SNTG1: variants seen among roughly 807,000 people sequenced by gnomAD.
SNTG1 encodes syntrophin gamma 1.
SNTG1 carries 39 observed loss-of-function variants against 74.7 expected under a neutral mutation model. That is an observed-to-expected ratio of 0.52 (90% CI 0.40 to 0.68). The LOEUF is 0.68. Ranked by LOEUF, SNTG1 falls within the 30% of genes least tolerant of loss-of-function variation. The pLI, the probability that SNTG1 is intolerant of heterozygous loss-of-function variation, is 0.00. For missense variants in SNTG1, 685 were observed against 609.5 expected (o/e 1.12, Z -1.30); for synonymous variants, 254 against 217.1 (o/e 1.17, Z -1.49).
chr8:50,298,741 G>C (rs2089505473), intron 2 of SNTG1, among the ~76,000 whole-genome samples: 1 of 152,172 alleles, frequency 6.6e-6, no homozygotes, highest in Admixed American at 6.6e-5. Context: ...TATGTGAAGA[G>C]TGAAATGTTT....
chr8:50,752,467 T>C (rs1020470117), intron 18 of SNTG1, among the ~76,000 whole-genome samples: 5 of 151,958 alleles, frequency 3.3e-5, no homozygotes, highest in Non-Finnish European at 7.4e-5. Flanking sequence ...TATATTTACA[T>C]AAATTTATAT....
At chr8:50,331,997 C>T (rs181732823) in intron 2 of SNTG1, among the ~76,000 whole-genome samples, 1 of 152,230 alleles carries the variant, frequency 6.6e-6, no homozygotes, top group Non-Finnish European at 1.5e-5. Context: ...ATAGTATCAG[C>T]AAATGGAATC....
At chr8:50,639,441 G>GA (rs927292477) in intron 13 of SNTG1, among the ~76,000 whole-genome samples, 35 of 151,830 alleles carry the variant, frequency 2.3e-4, no homozygotes, top group African/African-American at 8.0e-4. Flanking sequence ...TTGTTTAGGA[G>GA]AAAAAATGTA....
At chr8:50,318,739 A>G (rs2090411330) in intron 2 of SNTG1, among the ~76,000 whole-genome samples, 1 of 152,172 alleles carries the variant, frequency 6.6e-6, no homozygotes. Context: ...ATCAGTTCTA[A>G]AGTGTTGAAA....
intron 2 of SNTG1, among the ~76,000 whole-genome samples, chr8:50,336,013 C>T (rs566066680): frequency 6.4e-4 from 98 of 151,988 alleles, no homozygotes; most frequent in Non-Finnish European, 1.6e-4. Context: ...CTGTGTCTTC[C>T]GAATCCACCA....
At chr8:50,448,852 G>T (rs915074460) in intron 5 of SNTG1, among the ~76,000 whole-genome samples, 1 of 151,350 alleles carries the variant, frequency 6.6e-6, no homozygotes, top group Admixed American at 6.6e-5. Flanking sequence ...GGCTAACATG[G>T]TGAAACCCCG....
In SNTG1 at chr8:50,418,037, A is replaced by G. The variant is rs143699859; in HGVS notation, c.162+15693A>G. On this transcript the variant is annotated intron_variant, in intron 4 of 18. Coordinates refer to ENST00000642720, the MANE Select transcript of SNTG1 (RefSeq NM_018967.5). ...TCATTCTGATCATTCCAACCAAGCA[A>G]CTATAATTTCCCCTTCTTCAAAAGC... Among the ~76,000 whole-genome samples, 200 of 152,104 alleles carry G rather than the reference A, an allele frequency of 1.3e-3. 2 individuals carry two copies. Among genetic ancestry groups the G allele is most frequent in the African/African-American group, 3.8e-3 (156 of 41,516 alleles).
At chr8:50,391,922 A>G (rs1171824141) in intron 2 of SNTG1, among the ~76,000 whole-genome samples, 1 of 152,186 alleles carries the variant, frequency 6.6e-6, no homozygotes, top group African/African-American at 2.4e-5. Context: ...AATATCTTAC[A>G]AATTCCTTAC....
At chr8:49,916,902 G>A (rs995257098) in intron 1 of SNTG1, among the ~76,000 whole-genome samples, 2 of 151,926 alleles carry the variant, frequency 1.3e-5, no homozygotes, top group African/African-American at 2.4e-5. Context: ...GAATGTGCCT[G>A]TAGTCTCAGC....
At chr8:50,711,525 T>A (rs772013014) in intron 17 of SNTG1, among the ~76,000 whole-genome samples, 1 of 152,160 alleles carries the variant, frequency 6.6e-6, no homozygotes, top group Non-Finnish European at 1.5e-5. Context: ...TCTTAATACA[T>A]CAGTGAAGGA....
chr8:50,446,832 G>T (rs1391778905), intron 5 of SNTG1, among the ~76,000 whole-genome samples: 2 of 152,106 alleles, frequency 1.3e-5, no homozygotes, highest in African/African-American at 4.8e-5. Flanking sequence ...ACTTAACCTT[G>T]GGAGATGCAT....
chr8:50,672,630 G>A (rs1325674228), intron 15 of SNTG1, among the ~76,000 whole-genome samples: 1 of 152,042 alleles, frequency 6.6e-6, no homozygotes. Context: ...CTCCAATTCT[G>A]TAGGTGGCCT....
intron 4 of SNTG1, among the ~76,000 whole-genome samples, chr8:50,428,509 G>A (rs1039766585): frequency 9.2e-5 from 14 of 152,100 alleles, no homozygotes; most frequent in Admixed American, 6.5e-4. Flanking sequence ...TCAATTCTTT[G>A]CAAAGCTAAC....
chr8:50,733,820 A>G (rs188799616), intron 17 of SNTG1, among the ~76,000 whole-genome samples: 2 of 151,566 alleles, frequency 1.3e-5, no homozygotes, highest in East Asian at 1.9e-4. Context: ...CTTACATTTT[A>G]TCGTATTTTA....
chr8:50,544,221 C>T (rs2623214), intron 11 of SNTG1, among the ~76,000 whole-genome samples: 54,577 of 151,770 alleles, frequency 0.36, 12,075 homozygotes, highest in African/African-American at 0.63. Context: ...TAGAGCCATA[C>T]ATGTATAACT....
intron 1 of SNTG1, among the ~76,000 whole-genome samples, chr8:50,004,921 T>G (rs1815072852): frequency 1.3e-5 from 2 of 152,176 alleles, no homozygotes; most frequent in Admixed American, 1.3e-4. Flanking sequence ...TTTGTAAGAT[T>G]ATTGCACTGC....
intron 2 of SNTG1, among the ~76,000 whole-genome samples, chr8:50,239,353 T>G (rs2086065303): frequency 6.6e-6 from 1 of 152,198 alleles, no homozygotes; most frequent in Non-Finnish European, 1.5e-5. Flanking sequence ...CTCACAGTTC[T>G]GCATGGCTGG....
chr8:50,531,955 A>G (rs2094271983), intron 10 of SNTG1, among the ~76,000 whole-genome samples: 1 of 152,218 alleles, frequency 6.6e-6, no homozygotes, highest in Admixed American at 6.5e-5. Context: ...ATTGACATAT[A>G]GAAAAACATA....
chr8:50,788,523 C>T (rs1382748491), intron 18 of SNTG1, among the ~76,000 whole-genome samples: 2 of 151,846 alleles, frequency 1.3e-5, no homozygotes, highest in Admixed American at 6.6e-5. Context: ...GAACGCTAAG[C>T]GTGTGGGAGT....
Sources: gnomAD v4.1 joint callset for allele counts (sites outside exome capture counted in the v4.1 genomes callset) on GRCh38, gnomAD v4.1.1 for gene constraint, MANE v1.5 for transcripts, NCBI Gene and HGNC (gene_info 2026-07-23, HGNC 2026-07-21) for gene names.